Variants in HHAT observed in about 807,000 individuals in gnomAD.
The protein encoded by HHAT is protein-cysteine N-palmitoyltransferase HHAT.
HHAT carries 47 observed loss-of-function variants against 70.8 expected under a neutral mutation model. The ratio of observed to expected loss-of-function variants is 0.66; its 90% confidence interval spans 0.53 to 0.85. The LOEUF (loss-of-function observed/expected upper bound fraction) is 0.85. Ranked by LOEUF, HHAT falls within the 40% of genes least tolerant of loss-of-function variation. The probability of loss-of-function intolerance (pLI) is 0.00; values close to 1 mark genes in which losing one functional copy is unlikely to be tolerated. For synonymous variants in HHAT, 228 were observed against 247.6 expected, an observed-to-expected ratio of 0.92 and a Z score of 0.74; for missense variants, 609 against 604.8, an observed-to-expected ratio of 1.01 and a Z score of -0.07.
chr1:210,408,314 C>G (rs578034288), intron 6 of HHAT, among the ~76,000 whole-genome samples: 1 of 152,212 alleles, frequency 6.6e-6, no homozygotes, highest in South Asian at 2.1e-4. Context: ...TCCCAAGTAG[C>G]TGGAATTATA....
chr1:210,479,196 G>T (rs181296465), intron 8 of HHAT, among the ~76,000 whole-genome samples: 1 of 152,086 alleles, frequency 6.6e-6, no homozygotes, highest in African/African-American at 2.4e-5. Flanking sequence ...TCAATACTTC[G>T]CTTACAGACT....
chr1:210,329,533 T>C, intron 1 of HHAT: 2 of 974,444 alleles, frequency 2.1e-6, no homozygotes, highest in South Asian at 4.8e-5. Context: ...TTTCTTCCTC[T>C]GTTCTGAGTC....
intron 7 of HHAT, among the ~76,000 whole-genome samples, chr1:210,441,854 T>A (rs947805814): frequency 2.2e-5 from 3 of 139,356 alleles, no homozygotes; most frequent in African/African-American, 3.2e-5. Context: ...ACACACACAC[T>A]TTTTTTTTAT....
chr1:210,610,101 A>G (rs570814922), intron 10 of HHAT, among the ~76,000 whole-genome samples: 10 of 152,234 alleles, frequency 6.6e-5, no homozygotes, highest in African/African-American at 2.4e-4. Flanking sequence ...TGTCTTCCAC[A>G]ATGGTTGAGT....
At chr1:210,377,112 G>T (rs2090287644) in intron 3 of HHAT, among the ~76,000 whole-genome samples, 1 of 152,160 alleles carries the variant, frequency 6.6e-6, no homozygotes, top group African/African-American at 2.4e-5. Context: ...CCCCCAACAG[G>T]CTGGGGATCT....
chr1:210,596,295 T>C (rs956887010), intron 10 of HHAT, among the ~76,000 whole-genome samples: 36 of 152,172 alleles, frequency 2.4e-4, no homozygotes, highest in Non-Finnish European at 4.4e-4. Flanking sequence ...TATCTTGAGG[T>C]AGTCTTATGT....
At chr1:210,524,232 C>T (rs2095210373) in intron 9 of HHAT, among the ~76,000 whole-genome samples, 1 of 152,142 alleles carries the variant, frequency 6.6e-6, no homozygotes, top group South Asian at 2.1e-4. Flanking sequence ...GGTTAGATCT[C>T]ACATTAAGTG....
intron 9 of HHAT, among the ~76,000 whole-genome samples, chr1:210,522,521 TC>T (rs1162917097): frequency 6.6e-6 from 1 of 152,160 alleles, no homozygotes; most frequent in South Asian, 2.1e-4. Flanking sequence ...TGGGGCTGGG[TC>T]CCCCCTTCCA....
rs115010707 is a variant in HHAT at position 210,654,452 on chromosome 1, G to T, written c.1391-19836G>T. On this transcript the variant is annotated intron_variant, in intron 11 of 11. Coordinates refer to ENST00000261458, the MANE Select transcript of HHAT (RefSeq NM_018194.6). ...CCCATGTGCCCTGGCTCTTGGCATAGTGCCCAGCACACAGAAAAGGCATAA... is the reference window on the plus strand; with the variant it reads ...CCCATGTGCCCTGGCTCTTGGCATATTGCCCAGCACACAGAAAAGGCATAA... Among the ~76,000 whole-genome samples, 314 of 152,326 alleles carry T rather than the reference G, an allele frequency of 2.1e-3. 1 individual carries two copies. The highest frequency in any genetic ancestry group is 7.2e-3 in the African/African-American group (301 of 41,570).
chr1:210,356,627 CT>C (rs1172148106), intron 2 of HHAT, among the ~76,000 whole-genome samples: 2 of 152,182 alleles, frequency 1.3e-5, no homozygotes, highest in Non-Finnish European at 2.9e-5. Flanking sequence ...AACCTGTGGC[CT>C]TCATTATTAC....
intron 9 of HHAT, among the ~76,000 whole-genome samples, chr1:210,571,858 A>T (rs1241705516): frequency 6.6e-6 from 1 of 152,250 alleles, no homozygotes; most frequent in Non-Finnish European, 1.5e-5. Flanking sequence ...TGTGTGACAC[A>T]CGTTTAATGT....
chr1:210,665,738 G>A (rs929562334), intron 11 of HHAT, among the ~76,000 whole-genome samples: 1 of 152,200 alleles, frequency 6.6e-6, no homozygotes, highest in Non-Finnish European at 1.5e-5. Flanking sequence ...CCCTGGGCTT[G>A]GGATGTGGAC....
Position 210,349,006 on chromosome 1 carries a change from C to T in HHAT, c.31C>T (p.Leu11=). The change falls in exon 2 of 12, where the codon CTA becomes TTA. Residue 11 remains leucine (L), a synonymous_variant. Transcript: ENST00000261458. MLPRWELALY[L]LASLGFHFYS... Reference sequence around the variant, plus strand: ...GCCCCGATGGGAACTGGCACTTTACCTACTTGCCTCACTAGGCTTCCACTT... The same window carrying T: ...GCCCCGATGGGAACTGGCACTTTACTTACTTGCCTCACTAGGCTTCCACTT... The T allele has an allele frequency of 6.2e-7, 1 of 1,614,054 alleles. No homozygotes were observed. Among genetic ancestry groups the T allele is most frequent in the Non-Finnish European group, 8.5e-7 (1 of 1,179,956 alleles).
intron 11 of HHAT, among the ~76,000 whole-genome samples, chr1:210,663,192 C>T (rs1278654937): frequency 2.0e-5 from 3 of 152,158 alleles, no homozygotes; most frequent in Admixed American, 6.5e-5. Context: ...CTCTGTCTCC[C>T]ACCACAGCGA....
At chr1:210,410,795 G>A (rs2092524819) in intron 6 of HHAT, among the ~76,000 whole-genome samples, 1 of 152,002 alleles carries the variant, frequency 6.6e-6, no homozygotes, top group Non-Finnish European at 1.5e-5. Context: ...CTAAGTGCTG[G>A]GATTACACGC....
chr1:210,423,897 C>T (rs1312657254), intron 7 of HHAT, among the ~76,000 whole-genome samples: 1 of 152,112 alleles, frequency 6.6e-6, no homozygotes, highest in Non-Finnish European at 1.5e-5. Context: ...TATTGATCTA[C>T]ATGCCTGTTT....
intron 4 of HHAT, among the ~76,000 whole-genome samples, chr1:210,399,591 G>A (rs1489417710): frequency 6.6e-6 from 1 of 152,132 alleles, no homozygotes; most frequent in East Asian, 1.9e-4. Flanking sequence ...AGGTCACACA[G>A]GTAGTTATGA....
chr1:210,404,579 C>T lies in HHAT; in HGVS notation c.584C>T (p.Ala195Val). 6.2e-7 allele frequency: 1 copy of T among 1,614,008 alleles called. No homozygotes were observed. Among genetic ancestry groups the T allele is most frequent in the Non-Finnish European group, 8.5e-7 (1 of 1,179,864 alleles). Residue 195 changes from alanine to valine, a missense_variant, in exon 6 of 12, where the codon GCA becomes GTA. By Grantham distance (64) the Ala-to-Val change is moderately conservative. Coordinates refer to ENST00000261458, the MANE Select transcript of HHAT (RefSeq NM_018194.6). ...CTCTGCTGGCAGCAGCTGCCTGCTG[C>T]ATCGACCTCCTACTCCTTTCCCTGG... ...LELCWQQLPA[A>V]STSYSFPWML...
chr1:210,674,340 C>A lies in HHAT; in HGVS notation c.1443C>A (p.His481Gln). 4 of 1,614,214 alleles carry A rather than the reference C, an allele frequency of 2.5e-6. No individual in the cohort carries two copies. Among genetic ancestry groups the A allele is most frequent in the Non-Finnish European group, 2.5e-6 (3 of 1,180,036 alleles). Residue 481 changes from histidine (H) to glutamine (Q), a missense_variant, in exon 12 of 12, where the codon CAC (histidine) becomes CAA (glutamine). Coordinates refer to ENST00000261458, the MANE Select transcript of HHAT (RefSeq NM_018194.6). ...SVLGFLYCYSHVGIAWAQTYA... is the reference protein window; with the variant it reads ...SVLGFLYCYSQVGIAWAQTYA... The stretch of plus-strand genomic sequence containing the variant: ...TGGGATTCCTGTACTGCTACTCCCA[C>A]GTGGGCATTGCCTGGGCCCAGACCT...
Sources: allele counts gnomAD v4.1 joint callset (sites outside exome capture counted in the v4.1 genomes callset), GRCh38; gene constraint gnomAD v4.1.1; transcripts MANE v1.5; gene names NCBI Gene and HGNC (gene_info 2026-07-23, HGNC 2026-07-21).